Variants in DHX29 observed in about 807,000 individuals in gnomAD.
The protein encoded by DHX29 is DExH-box helicase 29, also known as ATP-dependent RNA helicase DHX29.
Under a neutral mutation model 167.9 loss-of-function variants are expected in DHX29, and 79 were observed. That is an observed-to-expected ratio of 0.47 (90% CI 0.39 to 0.57). The LOEUF is 0.57. DHX29 is among the 20% of genes least tolerant of loss of function. DHX29 has a pLI of 0.00. For missense variants in DHX29, 1,347 were observed against 1,593.4 expected, an observed-to-expected ratio of 0.85 and a Z score of 2.63; for synonymous variants, 530 against 546.0, an observed-to-expected ratio of 0.97 and a Z score of 0.41.
chr5:55,274,901 T>A lies in DHX29; in HGVS notation c.2537A>T (p.Asn846Ile), dbSNP rs760216468. The change falls in exon 15 of 27, where the codon AAC (asparagine) becomes ATC (isoleucine). Residue 846 changes from asparagine to isoleucine, a missense_variant. Transcript: ENST00000251636. ...AAGAAGTTCCAAAATGAGATCCAGG[T>A]TGATTTTATGAGGATTCATGTATAG... ...AILYMNPHKINLDLILELLAY... is the reference protein window; with the variant it reads ...AILYMNPHKIILDLILELLAY... 1.2e-6 allele frequency: 2 copies of A among 1,613,648 alleles called. No individual in the cohort carries two copies. Among genetic ancestry groups the A allele is most frequent in the East Asian group, 4.5e-5 (2 of 44,816 alleles).
chr5:55,305,801 T>A (rs1458991057), intron 1 of DHX29, among the ~76,000 whole-genome samples: 1 of 152,002 alleles, frequency 6.6e-6, no homozygotes, highest in Non-Finnish European at 1.5e-5. Flanking sequence ...TTGCAAAAAA[T>A]AGGGTCAGAG....
chr5:55,307,338 G>A, intron 1 of DHX29, 49 bp downstream of exon 1: 1 of 1,527,188 alleles, frequency 6.5e-7, no homozygotes, highest in South Asian at 1.2e-5. Context: ...CTCAGGACAA[G>A]CAGCAAGGTC....
chr5:55,265,304 G>C (rs1250191260), intron 23 of DHX29, among the ~76,000 whole-genome samples: 1 of 149,380 alleles, frequency 6.7e-6, no homozygotes, highest in East Asian at 2.0e-4. Flanking sequence ...TTTTGTAATG[G>C]ATGAACCTAG....
chr5:55,280,562 C>A (rs1397401828), intron 12 of DHX29, among the ~76,000 whole-genome samples: 1 of 152,178 alleles, frequency 6.6e-6, no homozygotes, highest in Non-Finnish European at 1.5e-5. Context: ...CTTACCCTTA[C>A]TCCCTTCCCG....
chr5:55,301,283 A>G (rs1285444743), intron 1 of DHX29, among the ~76,000 whole-genome samples: 1 of 152,194 alleles, frequency 6.6e-6, no homozygotes, highest in East Asian at 1.9e-4. Flanking sequence ...CTGCATAATC[A>G]TGAGAAAATG....
At chr5:55,256,702 G>A (rs1046535554) in intron 26 of DHX29, among the ~76,000 whole-genome samples, 162 bp from the exon 27 acceptor site, 4 of 152,016 alleles carry the variant, frequency 2.6e-5, no homozygotes, top group African/African-American at 9.7e-5. Flanking sequence ...AATATTTTTT[G>A]CCCTACATAG....
chr5:55,259,332 A>G (rs1746198929), intron 26 of DHX29, among the ~76,000 whole-genome samples: 1 of 152,176 alleles, frequency 6.6e-6, no homozygotes, highest in African/African-American at 2.4e-5. Context: ...AATAATCACT[A>G]ATTGAGTTTG....
At position 55,269,243 on chromosome 5, in the gene DHX29, C is replaced by CAAA. The variant is rs34353606; in HGVS notation, c.3294+167_3294+169dup. ...TGGGCAACAGTGCCAGACCCTGTCT[C>CAAA]AAAAAAAAAAAAAAAAAAAAATTCA... On this transcript the variant is annotated intron_variant, in intron 21 of 26. Transcript: ENST00000251636. Among the ~76,000 whole-genome samples the CAAA allele has an allele frequency of 4.2e-3, 308 of 72,632 alleles. 1 individual carries two copies. The highest frequency in any genetic ancestry group is 0.016 in the South Asian group (33 of 2,044). The allele number at this position is 72,632 out of a possible 152,430, so 47.6% of individuals were successfully genotyped here.
chr5:55,307,269 G>A, intron 1 of DHX29, 118 bp downstream of exon 1: 1 of 855,436 alleles, frequency 1.2e-6, no homozygotes, highest in Non-Finnish European at 1.8e-6. Context: ...GTAGCAGCTC[G>A]AGTGTTGGGA....
intron 6 of DHX29, among the ~76,000 whole-genome samples, chr5:55,291,730 T>C (rs1252004925): frequency 2.6e-5 from 4 of 152,354 alleles, no homozygotes; most frequent in East Asian, 3.9e-4. Context: ...TTTGTCTCTA[T>C]GAATTTGACT....
At chr5:55,265,306 T>C (rs574366232) in intron 23 of DHX29, among the ~76,000 whole-genome samples, 2 of 150,148 alleles carry the variant, frequency 1.3e-5, no homozygotes, top group African/African-American at 4.9e-5. Context: ...TTGTAATGGA[T>C]GAACCTAGCT....
intron 3 of DHX29, among the ~76,000 whole-genome samples, chr5:55,296,715 C>G (rs1338948804): frequency 6.6e-6 from 1 of 152,140 alleles, no homozygotes; most frequent in African/African-American, 2.4e-5. Flanking sequence ...ACATAATATT[C>G]CACTGGGTGG....
rs1246123423 is a variant in DHX29, at chr5:55,283,775, C to T, written c.1393G>A (p.Val465Ile). 6.2e-7 allele frequency: 1 copy of T among 1,607,438 alleles called. No individual in the cohort carries two copies. Among genetic ancestry groups the T allele is most frequent in the East Asian group, 2.2e-5 (1 of 44,846 alleles). Reference sequence around the variant, plus strand: ...TCTGCATCACTCCACTCCAGCCAAACATCTCGGTAAGTGGGAGGAAGTAAC... The same window carrying T: ...TCTGCATCACTCCACTCCAGCCAAATATCTCGGTAAGTGGGAGGAAGTAAC... ...HQLLPPTYRDVWLEWSDAEKK... is the reference protein window; with the variant it reads ...HQLLPPTYRDIWLEWSDAEKK... The change falls in exon 11 of 27, where the codon GTT becomes ATT. Residue 465 changes from valine to isoleucine, a missense_variant. Coordinates refer to ENST00000251636, the MANE Select transcript of DHX29 (RefSeq NM_019030.4).
At chr5:55,257,464 G>A (rs1384025163) in intron 26 of DHX29, among the ~76,000 whole-genome samples, 1 of 152,054 alleles carries the variant, frequency 6.6e-6, no homozygotes. Context: ...TCTCACTCTC[G>A]CCTAGGCTGT....
rs1251011762 is a variant in DHX29, at chr5:55,281,559, T to C, written c.1966-44A>G. Reference sequence around the variant, plus strand: ...GCCTTGATTAGATTCTCATGAGTAATATGGGAAACAAGCTTTAAAAAGTGA... The same window carrying C: ...GCCTTGATTAGATTCTCATGAGTAACATGGGAAACAAGCTTTAAAAAGTGA... On this transcript the variant is annotated intron_variant, in intron 11 of 26. Transcript: ENST00000251636. The C allele has an allele frequency of 5.6e-6, 8 of 1,416,472 alleles. No homozygotes were observed. The South Asian group carries it at 1.0e-4, about 18-fold the overall frequency. 87.7% of individuals were successfully genotyped at this position (1,416,472 alleles called of 1,614,324 possible).
At position 55,296,214 on chromosome 5, in the gene DHX29, G is replaced by T. The variant is rs781365145; in HGVS notation, c.505+6C>A. On this transcript the variant is annotated splice_donor_region_variant and intron_variant, in intron 4 of 26. Transcript: ENST00000251636. ...GAAACTGAAAGAATTTAATGATATT[G>T]TTTACCATCTGAAAGGTTTAAACAG... The T allele has an allele frequency of 6.2e-7, 1 of 1,601,330 alleles. No homozygotes were observed. Among genetic ancestry groups the T allele is most frequent in the African/African-American group, 1.3e-5 (1 of 74,388 alleles).
intron 8 of DHX29, among the ~76,000 whole-genome samples, chr5:55,288,075 T>A (rs1372690528): frequency 2.0e-5 from 3 of 151,296 alleles, no homozygotes; most frequent in Non-Finnish European, 4.4e-5. Flanking sequence ...AAACCCCATC[T>A]CTACTAAAAA....
At chr5:55,279,004 A>G (rs112182610) in intron 12 of DHX29, among the ~76,000 whole-genome samples, 5 of 152,348 alleles carry the variant, frequency 3.3e-5, no homozygotes, top group African/African-American at 1.2e-4. Context: ...CAGAGGAATC[A>G]TGTGGTCTGA....
chr5:55,260,081 C>T, intron 25 of DHX29, 137 bp from the exon 26 acceptor site: 1 of 499,164 alleles, frequency 2.0e-6, no homozygotes, highest in Non-Finnish European at 3.7e-6. Flanking sequence ...GGGAAAAATA[C>T]AAATTATTTC....
Sources: allele counts gnomAD v4.1 joint callset (sites outside exome capture counted in the v4.1 genomes callset), GRCh38; gene constraint gnomAD v4.1.1; transcripts MANE v1.5; gene names NCBI Gene and HGNC (gene_info 2026-07-23, HGNC 2026-07-21).